Variants in PNLIPRP3 observed in about 807,000 individuals in gnomAD.
PNLIPRP3 encodes pancreatic lipase-related protein 3.
A neutral mutation model predicts 52.8 loss-of-function variants in PNLIPRP3; 58 were observed. The observed-to-expected ratio is 1.10, with a 90% CI of 0.89 to 1.37. The LOEUF is 1.37. PNLIPRP3 is among the 40% of genes most tolerant of loss of function. The pLI is 0.00. For synonymous variants in PNLIPRP3, 192 were observed against 185.0 expected (o/e 1.04, Z -0.31); for missense variants, 593 against 561.6 (o/e 1.06, Z -0.57).
chr10:116,461,138 A>G, intron 6 of PNLIPRP3, 30 bp from the exon 7 acceptor site: 1 of 1,614,088 alleles, frequency 6.2e-7, no homozygotes, highest in Non-Finnish European at 8.5e-7. Flanking sequence ...AGATTTTTAG[A>G]GGCATTTACC....
At chr10:116,460,935 A>G in intron 5 of PNLIPRP3, 31 bp from the exon 6 acceptor site, 1 of 1,609,542 alleles carries the variant, frequency 6.2e-7, no homozygotes, top group Non-Finnish European at 8.5e-7. Flanking sequence ...GTGCACTTCC[A>G]TAGAACATGT....
chr10:116,442,760 A>C (rs756149074), intron 2 of PNLIPRP3, among the ~76,000 whole-genome samples: 1 of 152,086 alleles, frequency 6.6e-6, no homozygotes, highest in Non-Finnish European at 1.5e-5. Context: ...ACTATTCAGG[A>C]GGCTGAGGCG....
intron 4 of PNLIPRP3, among the ~76,000 whole-genome samples, chr10:116,449,507 A>T (rs1234348903): frequency 1.3e-5 from 2 of 152,220 alleles, no homozygotes; most frequent in East Asian, 3.8e-4. Context: ...TCATTATATA[A>T]TGATAAAAGA....
At position 116,427,887 on chromosome 10, in the gene PNLIPRP3, T is replaced by G. The variant is rs10787669; in HGVS notation, c.-126T>G. ...CATAAGGTGGAATAACATGTTCTTT[T>G]AAACGTAGAGTTTAAACATTGAGTT... On this transcript the variant is annotated 5_prime_UTR_variant, in exon 1 of 12. An upstream open reading frame in the 5' UTR loses its in-frame stop. Transcript: ENST00000369230. 0.81 allele frequency: 596,422 copies of G among 735,672 alleles called. 257,850 individuals carry two copies. The highest frequency in any genetic ancestry group is 0.92 in the South Asian group (56,926 of 62,002). The allele number at this position is 735,672 out of a possible 1,614,324, so 45.6% of individuals were successfully genotyped here.
chr10:116,453,429 T>G (rs905960709), intron 4 of PNLIPRP3, among the ~76,000 whole-genome samples: 1 of 152,082 alleles, frequency 6.6e-6, no homozygotes, highest in Admixed American at 6.5e-5. Flanking sequence ...AAGGGATGAT[T>G]GTATTTTGCA....
At chr10:116,431,625 A>T (rs924393943) in intron 1 of PNLIPRP3, among the ~76,000 whole-genome samples, 1 of 152,186 alleles carries the variant, frequency 6.6e-6, no homozygotes, top group South Asian at 2.1e-4. Flanking sequence ...TAAAGACTAT[A>T]AACAGCTTTA....
intron 8 of PNLIPRP3, among the ~76,000 whole-genome samples, chr10:116,468,113 A>C (rs1297911940): frequency 1.7e-5 from 2 of 121,154 alleles, no homozygotes; most frequent in Non-Finnish European, 3.2e-5. Context: ...CAACAGAGCC[A>C]GACTCTGTCT....
At chr10:116,466,948 T>C (rs1589989476) in intron 8 of PNLIPRP3, among the ~76,000 whole-genome samples, 1 of 152,296 alleles carries the variant, frequency 6.6e-6, no homozygotes, top group South Asian at 2.1e-4. Context: ...TTGGAAAGCT[T>C]GACAGCCAAA....
intron 1 of PNLIPRP3, among the ~76,000 whole-genome samples, chr10:116,436,382 A>G (rs1845773581): frequency 6.6e-6 from 1 of 152,246 alleles, no homozygotes; most frequent in African/African-American, 2.4e-5. Flanking sequence ...ACTTGAAATT[A>G]TAAAACTCCT....
intron 5 of PNLIPRP3, among the ~76,000 whole-genome samples, chr10:116,456,165 A>T (rs1846110631): frequency 6.6e-6 from 1 of 152,174 alleles, no homozygotes; most frequent in Non-Finnish European, 1.5e-5. Flanking sequence ...TAGGAGTAGA[A>T]TGGTGGTTAT....
chr10:116,428,121 T>C, intron 1 of PNLIPRP3, 60 bp downstream of exon 1: 1 of 1,206,704 alleles, frequency 8.3e-7, no homozygotes, highest in Non-Finnish European at 1.2e-6. Flanking sequence ...ACATCTAAAA[T>C]GTAATTGACA....
intron 4 of PNLIPRP3, among the ~76,000 whole-genome samples, chr10:116,447,038 A>G (rs1410130334): frequency 6.6e-6 from 1 of 152,180 alleles, no homozygotes; most frequent in East Asian, 1.9e-4. Flanking sequence ...GATGTCATTC[A>G]AGCAGTCACT....
At chr10:116,464,039 G>A (rs1403386456) in intron 7 of PNLIPRP3, among the ~76,000 whole-genome samples, 1 of 152,004 alleles carries the variant, frequency 6.6e-6, no homozygotes, top group Non-Finnish European at 1.5e-5. Flanking sequence ...TGACTAGAAT[G>A]TTATGAAAAT....
chr10:116,453,957 C>T (rs572239866), intron 4 of PNLIPRP3, among the ~76,000 whole-genome samples: 1 of 152,150 alleles, frequency 6.6e-6, no homozygotes, highest in Non-Finnish European at 1.5e-5. Context: ...CCCAACAGGC[C>T]GCACGATGTG....
chr10:116,442,862 T>C (rs1845877511), intron 2 of PNLIPRP3, among the ~76,000 whole-genome samples, 193 bp from the exon 3 acceptor site: 1 of 152,132 alleles, frequency 6.6e-6, no homozygotes, highest in South Asian at 2.1e-4. Flanking sequence ...AGACACTGTC[T>C]CTAAATAATA....
At chr10:116,460,899 G>A in intron 5 of PNLIPRP3, 67 bp from the exon 6 acceptor site, 1 of 1,567,064 alleles carries the variant, frequency 6.4e-7, no homozygotes, top group East Asian at 2.3e-5. Context: ...AAGGACACAT[G>A]CTTCCAAAGT....
At chr10:116,459,977 T>A (rs7093179) in intron 5 of PNLIPRP3, among the ~76,000 whole-genome samples, 20,184 of 152,112 alleles carry the variant, frequency 0.13, 2,414 homozygotes, top group African/African-American at 0.32. Flanking sequence ...CATCTTGGCC[T>A]GGCTGGTGTC....
intron 8 of PNLIPRP3, among the ~76,000 whole-genome samples, chr10:116,468,158 G>A (rs528593850): frequency 2.9e-4 from 39 of 133,234 alleles, no homozygotes; most frequent in African/African-American, 7.2e-4. Context: ...AAAAAGCAAC[G>A]TCTACCAACT....
At chr10:116,461,125 A>G in intron 6 of PNLIPRP3, 40 bp downstream of exon 6, 3 of 1,614,126 alleles carry the variant, frequency 1.9e-6, no homozygotes, top group South Asian at 1.1e-5. Context: ...TGAAGCATAG[A>G]GGAGATTTTT....
Sources: gnomAD v4.1 joint callset for allele counts (sites outside exome capture counted in the v4.1 genomes callset) on GRCh38, gnomAD v4.1.1 for gene constraint, MANE v1.5 for transcripts, NCBI Gene and HGNC (gene_info 2026-07-23, HGNC 2026-07-21) for gene names.